Variants in SSPN observed in about 807,000 individuals in gnomAD.
SSPN encodes sarcospan.
A neutral mutation model predicts 19.1 loss-of-function variants in SSPN; 15 were observed. The observed-to-expected ratio is 0.78, with a 90% CI of 0.52 to 1.21. The LOEUF (loss-of-function observed/expected upper bound fraction) is 1.21, where lower values mean the gene tolerates loss of function less well. SSPN is among the 50% of genes most tolerant of loss of function. The pLI is 0.00. For missense variants in SSPN, 291 were observed against 314.0 expected, an observed-to-expected ratio of 0.93 and a Z score of 0.55; for synonymous variants, 147 against 140.3, an observed-to-expected ratio of 1.05 and a Z score of -0.34.
intron 1 of SSPN, among the ~76,000 whole-genome samples, chr12:26,206,195 G>A (rs34004743): frequency 0.15 from 22,757 of 152,084 alleles, 1,951 homozygotes; most frequent in South Asian, 0.35. Flanking sequence ...GGGAGGCGAG[G>A]GGGAAATGTA....
intron 1 of SSPN, among the ~76,000 whole-genome samples, chr12:26,132,711 T>C (rs763572565): frequency 3.9e-5 from 6 of 152,224 alleles, no homozygotes; most frequent in Admixed American, 2.0e-4. Flanking sequence ...TTTCACTGTA[T>C]GGCTCCTGTT....
Position 26,232,343 on chromosome 12 carries a change from T to C in SSPN, c.*1267T>C, listed in dbSNP as rs1227836300. On this transcript the variant is annotated 3_prime_UTR_variant, in exon 3 of 3. Coordinates refer to ENST00000242729, the MANE Select transcript of SSPN (RefSeq NM_005086.5). ...AAGTGACTGTGGTTTAAAGCACAAA[T>C]GCCCCAAGGTGGGGAGACTTCTCTC... 1.0e-6 allele frequency: 1 copy of C among 984,928 alleles called. No individual in the cohort carries two copies. Among genetic ancestry groups the C allele is most frequent in the Non-Finnish European group, 1.2e-6 (1 of 829,794 alleles). The allele number at this position is 984,928 out of a possible 1,614,324, so 61.0% of individuals were successfully genotyped here.
At chr12:26,145,906 C>T (rs987944471) in intron 1 of SSPN, among the ~76,000 whole-genome samples, 1 of 152,192 alleles carries the variant, frequency 6.6e-6, no homozygotes, top group African/African-American at 2.4e-5. Context: ...TGGGTCAGGA[C>T]TTTGTGGACC....
Position 26,163,692 on chromosome 12 carries a change from C to T in SSPN, c.-31+41540C>T, listed in dbSNP as rs181797931. Among the ~76,000 whole-genome samples, 288 of 152,290 alleles carry T rather than the reference C, an allele frequency of 1.9e-3. 2 individuals are homozygous for T. The highest frequency in any genetic ancestry group is 4.4e-3 in the East Asian group (23 of 5,190). ...CTTATTCACCTCTTAAAGGCCCCACCTCTTAATATTATCACATTGGCAATA... is the reference window on the plus strand; with the variant it reads ...CTTATTCACCTCTTAAAGGCCCCACTTCTTAATATTATCACATTGGCAATA... On this transcript the variant is annotated intron_variant, in intron 1 of 2. Coordinates refer to the SSPN transcript ENST00000538142.
chr12:26,124,729 T>C (rs1944348089), intron 1 of SSPN: 1 of 1,614,144 alleles, frequency 6.2e-7, no homozygotes, highest in East Asian at 2.2e-5. Context: ...CTATAAAATC[T>C]CTATGTTCCA....
chr12:26,125,342 G>A (rs1262695267), intron 1 of SSPN: 1 of 231,108 alleles, frequency 4.3e-6, no homozygotes, highest in Non-Finnish European at 8.6e-6. Context: ...TCCAAAATGC[G>A]ACTCCCTGGG....
upstream of SSPN, among the ~76,000 whole-genome samples, chr12:26,193,815 T>C (rs1944803668): frequency 6.6e-6 from 1 of 152,218 alleles, no homozygotes; most frequent in Admixed American, 6.5e-5. Flanking sequence ...AATGTATTTG[T>C]TCCCTGAACC....
chr12:26,153,310 G>T (rs900021624), intron 1 of SSPN, among the ~76,000 whole-genome samples: 2 of 152,160 alleles, frequency 1.3e-5, no homozygotes, highest in African/African-American at 4.8e-5. Context: ...ATCTATGTAA[G>T]TTTCGCTGCT....
At chr12:26,163,053 GTGTGTGTA>G (rs1565675629) in intron 1 of SSPN, among the ~76,000 whole-genome samples, 1 of 130,590 alleles carries the variant, frequency 7.7e-6, no homozygotes, top group Non-Finnish European at 1.5e-5. Flanking sequence ...GTGTGTGTGT[GTGTGTGTA>G]TGTGTGTGTG....
At chr12:26,214,796 A>C (rs542141552) in intron 1 of SSPN, 3 of 152,218 alleles carry the variant, frequency 2.0e-5, no homozygotes, top group African/African-American at 7.2e-5. Context: ...ATAATGAAAA[A>C]GAATTAATAA....
intron 1 of SSPN, among the ~76,000 whole-genome samples, chr12:26,198,003 T>A (rs10842692): frequency 0.52 from 79,399 of 151,976 alleles, 21,093 homozygotes; most frequent in Admixed American, 0.63. Flanking sequence ...CACCATGCTC[T>A]GCTTGTCCTC....
intron 1 of SSPN, among the ~76,000 whole-genome samples, chr12:26,163,122 A>T (rs1457149511): frequency 6.6e-6 from 1 of 151,856 alleles, no homozygotes; most frequent in East Asian, 1.9e-4. Context: ...AGACCTCAGA[A>T]CTTTGCATGC....
At chr12:26,174,503 C>CCTTCCTTCCTTCCTTCCTT (rs75173753) in intron 1 of SSPN, among the ~76,000 whole-genome samples, 5 of 124,288 alleles carry the variant, frequency 4.0e-5, no homozygotes, top group African/African-American at 7.2e-5. Context: ...TTCCTTCCTT[C>CCTTCCTTCCTTCCTTCCTT]CCTTCCTTCC....
chr12:26,194,992 AAAT>A (rs1296279793), upstream of SSPN, among the ~76,000 whole-genome samples: 2 of 152,118 alleles, frequency 1.3e-5, no homozygotes, highest in Admixed American at 6.6e-5. Context: ...CCTGTTTGGA[AAAT>A]AATAATAATA....
chr12:26,150,012 A>G (rs540949233), intron 1 of SSPN, among the ~76,000 whole-genome samples: 2 of 152,324 alleles, frequency 1.3e-5, no homozygotes, highest in South Asian at 4.1e-4. Context: ...AGGAAGAAAC[A>G]TGGGCACATA....
intron 2 of SSPN, among the ~76,000 whole-genome samples, chr12:26,226,983 C>A (rs1945184412): frequency 6.6e-6 from 1 of 152,066 alleles, no homozygotes; most frequent in African/African-American, 2.4e-5. Context: ...TACATAAGCG[C>A]CCGGGGCCAC....
At chr12:26,193,762 G>A (rs544160070), upstream of SSPN, among the ~76,000 whole-genome samples, 1 of 152,290 alleles carries the variant, frequency 6.6e-6, no homozygotes, top group African/African-American at 2.4e-5. Flanking sequence ...TACTGCCTCT[G>A]CATGGAACTG....
At chr12:26,221,682 G>C (rs73090874) in intron 1 of SSPN, among the ~76,000 whole-genome samples, 30,208 of 152,140 alleles carry the variant, frequency 0.2, 3,939 homozygotes, top group Admixed American at 0.35. Flanking sequence ...CTTATTACTG[G>C]AATGTGTCTC....
At chr12:26,166,064 T>G (rs1049946138) in intron 1 of SSPN, among the ~76,000 whole-genome samples, 2 of 151,906 alleles carry the variant, frequency 1.3e-5, no homozygotes, top group Admixed American at 6.6e-5. Flanking sequence ...TAAGTGGGAG[T>G]TGAACAATGA....
Sources: allele counts gnomAD v4.1 joint callset (sites outside exome capture counted in the v4.1 genomes callset), GRCh38; gene constraint gnomAD v4.1.1; transcripts MANE v1.5; gene names NCBI Gene and HGNC (gene_info 2026-07-23, HGNC 2026-07-21).